The following EXT1 variants were observed in gnomAD, a reference collection of about 807,000 sequenced individuals.
EXT1 encodes exostosin glycosyltransferase 1.
In EXT1, 20 loss-of-function variants were observed where a neutral mutation model predicts 82.5. The observed-to-expected ratio is 0.24, with a 90% CI of 0.17 to 0.35. The LOEUF is 0.35. Ranked by LOEUF, EXT1 falls within the 10% of genes least tolerant of loss-of-function variation. EXT1 has a pLI of 1.00. For missense variants in EXT1, 757 were observed against 936.5 expected, an observed-to-expected ratio of 0.81 and a Z score of 2.50; for synonymous variants, 348 against 350.8, an observed-to-expected ratio of 0.99 and a Z score of 0.09.
At chr8:117,829,384 A>G (rs1812058911) in intron 4 of EXT1, among the ~76,000 whole-genome samples, 1 of 152,152 alleles carries the variant, frequency 6.6e-6, no homozygotes, top group South Asian at 2.1e-4. Flanking sequence ...TTTCTGTGCC[A>G]CATGGGTATG....
rs776678803 is a variant in EXT1, at chr8:118,110,457, G to T, written c.590C>A (p.Ser197Tyr). ...GRNHLIFNLY[S>Y]GTWPDYTEDV... ...CTCGGTGTAGTCAGGCCAAGTGCCG[G>T]AATATAAATTAAAAATTAAATGATT... Residue 197 changes from serine to tyrosine, a missense_variant, in exon 1 of 11, where the codon TCC becomes TAC. Physicochemically the swap from Ser to Tyr is moderately radical, Grantham distance 144. Coordinates refer to ENST00000378204, the MANE Select transcript of EXT1 (RefSeq NM_000127.3). 1 of 1,614,100 alleles carries T rather than the reference G, an allele frequency of 6.2e-7. No individual in the cohort carries two copies. The highest frequency in any genetic ancestry group is 1.3e-5 in the African/African-American group (1 of 75,032).
At chr8:118,011,346 T>C (rs1408380039) in intron 1 of EXT1, among the ~76,000 whole-genome samples, 8 of 152,214 alleles carry the variant, frequency 5.3e-5, no homozygotes, top group Admixed American at 2.0e-4. Context: ...TGGAACGTAG[T>C]AGGCACCCAC....
intron 1 of EXT1, among the ~76,000 whole-genome samples, chr8:118,003,290 T>C (rs751943501): frequency 6.2e-4 from 94 of 152,008 alleles, no homozygotes; most frequent in Middle Eastern, 3.4e-3. Flanking sequence ...AGACTACACA[T>C]TGGGTATAGT....
chr8:117,976,903 T>C (rs1272911858), intron 1 of EXT1, among the ~76,000 whole-genome samples: 6 of 152,058 alleles, frequency 3.9e-5, no homozygotes, highest in African/African-American at 7.2e-5. Context: ...GCAAAAAAGA[T>C]GATGTCAGGG....
At chr8:117,979,671 T>C (rs1270153012) in intron 1 of EXT1, among the ~76,000 whole-genome samples, 1 of 152,152 alleles carries the variant, frequency 6.6e-6, no homozygotes, top group Non-Finnish European at 1.5e-5. Flanking sequence ...ACACCATTTA[T>C]CCTAGATGCG....
chr8:117,848,934 T>A (rs1264157837), intron 1 of EXT1, among the ~76,000 whole-genome samples: 1 of 152,166 alleles, frequency 6.6e-6, no homozygotes, highest in African/African-American at 2.4e-5. Flanking sequence ...GCACTTAGAA[T>A]AATAATCATG....
intron 1 of EXT1, among the ~76,000 whole-genome samples, chr8:117,845,443 T>C (rs1403411325): frequency 6.6e-6 from 1 of 152,156 alleles, no homozygotes; most frequent in Admixed American, 6.5e-5. Context: ...CCTGTGTATA[T>C]TAATGAACAC....
intron 1 of EXT1, among the ~76,000 whole-genome samples, chr8:118,032,858 A>AATTTT (rs1816351767): frequency 6.6e-6 from 1 of 152,136 alleles, no homozygotes; most frequent in African/African-American, 2.4e-5. Flanking sequence ...CCAGGTATAT[A>AATTTT]ATTTTATAGA....
chr8:117,968,838 G>T (rs1011034248), intron 1 of EXT1, among the ~76,000 whole-genome samples: 1 of 64,376 alleles, frequency 1.6e-5, no homozygotes, highest in Non-Finnish European at 2.5e-5. Flanking sequence ...CAAAGTGCTG[G>T]GATTACAGGC....
intron 1 of EXT1, among the ~76,000 whole-genome samples, chr8:117,882,980 G>GAAAAAAAAA (rs1320976687): frequency 1.5e-5 from 1 of 65,862 alleles, no homozygotes. Flanking sequence ...CTGTCTCAAA[G>GAAAAAAAAA]AAAAAAAAAA....
chr8:117,940,991 G>A (rs1038594699), intron 1 of EXT1, among the ~76,000 whole-genome samples: 5 of 152,166 alleles, frequency 3.3e-5, no homozygotes, highest in Non-Finnish European at 5.9e-5. Flanking sequence ...AGATTCCCCA[G>A]GGGTTAAGGC....
At chr8:118,104,763 G>A (rs1172165541) in intron 1 of EXT1, among the ~76,000 whole-genome samples, 2 of 152,090 alleles carry the variant, frequency 1.3e-5, no homozygotes, top group African/African-American at 4.8e-5. Context: ...TTCAGATTTT[G>A]GAGCATTTTG....
chr8:118,002,678 C>CCCA (rs1261110595), intron 1 of EXT1, among the ~76,000 whole-genome samples: 17 of 151,848 alleles, frequency 1.1e-4, no homozygotes, highest in African/African-American at 2.9e-4. Flanking sequence ...ACTACAGGCA[C>CCCA]CCACCACCAC....
chr8:117,833,203 G>A (rs1812130430), intron 3 of EXT1, among the ~76,000 whole-genome samples: 1 of 152,144 alleles, frequency 6.6e-6, no homozygotes, highest in Admixed American at 6.5e-5. Flanking sequence ...CTGAATATGA[G>A]AGGGGAAAAA....
chr8:117,969,848 A>G (rs1469948346), intron 1 of EXT1, among the ~76,000 whole-genome samples: 1 of 152,250 alleles, frequency 6.6e-6, no homozygotes, highest in Non-Finnish European at 1.5e-5. Flanking sequence ...TCAGAACGGC[A>G]GTTCTCCCAG....
chr8:117,926,675 C>A (rs17475694), intron 1 of EXT1, among the ~76,000 whole-genome samples: 3,202 of 152,216 alleles, frequency 0.021, 45 homozygotes, highest in Middle Eastern at 0.048. Flanking sequence ...AGCCACATAG[C>A]GGATGACAAA....
At chr8:117,872,128 G>A (rs567361536) in intron 1 of EXT1, among the ~76,000 whole-genome samples, 1 of 135,628 alleles carries the variant, frequency 7.4e-6, no homozygotes, top group East Asian at 2.6e-4. Context: ...AACAGAGTGA[G>A]ACCCTGTTTC....
chr8:118,057,725 G>C (rs907698448), intron 1 of EXT1, among the ~76,000 whole-genome samples: 2 of 149,680 alleles, frequency 1.3e-5, no homozygotes, highest in Non-Finnish European at 3.0e-5. Context: ...TGTAATCCCA[G>C]CACTTTGGGA....
At chr8:118,098,239 G>T (rs1482847909) in intron 1 of EXT1, among the ~76,000 whole-genome samples, 1 of 152,072 alleles carries the variant, frequency 6.6e-6, no homozygotes, top group Admixed American at 6.5e-5. Context: ...TCCAAGCTAG[G>T]CCCCCGCTAG....
Sources: gnomAD v4.1 joint callset for allele counts (sites outside exome capture counted in the v4.1 genomes callset) on GRCh38, gnomAD v4.1.1 for gene constraint, MANE v1.5 for transcripts, NCBI Gene and HGNC (gene_info 2026-07-23, HGNC 2026-07-21) for gene names.